CCDC90B: variants seen among roughly 807,000 people sequenced by gnomAD.
CCDC90B encodes the protein coiled-coil domain containing 90B.
Under a neutral mutation model 37.0 loss-of-function variants are expected in CCDC90B, and 24 were observed. The ratio of observed to expected loss-of-function variants is 0.65; its 90% CI spans 0.47 to 0.91. CCDC90B has a LOEUF of 0.91. Among genes scored for constraint, CCDC90B ranks in the 40% least tolerant of loss-of-function variants. The pLI is 0.00. For missense variants in CCDC90B, 319 were observed against 299.0 expected (o/e 1.07, Z -0.49); for synonymous variants, 113 against 101.1 (o/e 1.12, Z -0.71).
intron 3 of CCDC90B, among the ~76,000 whole-genome samples, chr11:83,275,803 T>C (rs924162900): frequency 6.6e-6 from 1 of 152,206 alleles, no homozygotes; most frequent in Non-Finnish European, 1.5e-5. Context: ...CAGCAAGTCA[T>C]TTAACTTCTC....
intron 7 of CCDC90B, among the ~76,000 whole-genome samples, chr11:83,268,160 G>A (rs1055169667): frequency 3.3e-5 from 5 of 152,168 alleles, no homozygotes; most frequent in African/African-American, 4.8e-5. Flanking sequence ...ATGCCAAATT[G>A]TAAAGACCAT....
At position 83,285,502 on chromosome 11, in the gene CCDC90B, A is replaced by G. The variant is rs1591069249; in HGVS notation, c.100+371T>C. On this transcript the variant is annotated intron_variant, in intron 1 of 8. Coordinates refer to ENST00000529689, the MANE Select transcript of CCDC90B (RefSeq NM_021825.5). ...GCCAGCACCTAAAAAAACAAAATCA[A>G]AATTTGATCAGGCCACAAAAGAAAA... The G allele has an allele frequency of 1.1e-5, 12 of 1,126,164 alleles. No individual in the cohort carries two copies. In the East Asian group the frequency reaches 2.2e-4, roughly 20 times the overall value. 69.8% of individuals were successfully genotyped at this position (1,126,164 alleles called of 1,614,324 possible). A position where few individuals can be genotyped will look rare whatever the true frequency, so the allele number is the denominator to read the frequency against.
rs1238226073 is a variant in CCDC90B at position 83,286,082 on chromosome 11, G to A, written c.-110C>T. 2 of 1,538,408 alleles carry A rather than the reference G, an allele frequency of 1.3e-6. No homozygotes were observed. Among genetic ancestry groups the A allele is most frequent in the African/African-American group, 1.4e-5 (1 of 73,160 alleles). ...AGGAATGCTGGGAATTGTAGTTTTC[G>A]CTCTGTCACAAGCTCACCTCCCAGC... On this transcript the variant is annotated 5_prime_UTR_variant, in exon 1 of 9. An upstream open reading frame in the 5' UTR gains an earlier in-frame stop. Coordinates refer to ENST00000529689, the MANE Select transcript of CCDC90B (RefSeq NM_021825.5).
intron 3 of CCDC90B, among the ~76,000 whole-genome samples, chr11:83,275,519 C>CA (rs35773488): frequency 0.02 from 2,667 of 133,452 alleles, 50 homozygotes; most frequent in African/African-American, 0.061. Context: ...GCAAATATTC[C>CA]AAAAAAAAAA....
Position 83,278,737 on chromosome 11 carries a change from G to C in CCDC90B, c.313C>G (p.Gln105Glu). The C allele has an allele frequency of 6.2e-7, 1 of 1,603,970 alleles. No homozygotes were observed. The highest frequency in any genetic ancestry group is 8.5e-7 in the Non-Finnish European group (1 of 1,172,002). The change falls in exon 3 of 9, where the codon CAA (glutamine) becomes GAA (glutamate). Residue 105 changes from glutamine to glutamate, a missense_variant. By Grantham distance (29) the Gln-to-Glu change is conservative. Transcript: ENST00000529689. ...AATCAGTGTATTACCTGTTGAGCTTGAGTGACCATCTCTTTATAGATAGTA... is the reference window on the plus strand; with the variant it reads ...AATCAGTGTATTACCTGTTGAGCTTCAGTGACCATCTCTTTATAGATAGTA... The part of the protein sequence containing the change: ...LDTIYKEMVT[Q>E]AQQEITVQQL...
chr11:83,265,877 G>A lies in CCDC90B; in HGVS notation c.697C>T (p.Arg233Cys), dbSNP rs148744063. The part of the protein sequence containing the change: ...LMESNKLETI[R>C]YLAASVFTCL... The stretch of plus-strand genomic sequence containing the variant: ...CTGACAGTCTTACCTGCAAGATAAC[G>A]AATTGTCTCAAGTTTGTTAGATTCC... Residue 233 changes from arginine (R) to cysteine (C), a missense_variant, in exon 8 of 9, where the codon CGT (arginine) becomes TGT (cysteine). By Grantham distance (180) the Arg-to-Cys change is radical. Coordinates refer to ENST00000529689, the MANE Select transcript of CCDC90B (RefSeq NM_021825.5). 75 of 1,601,114 alleles carry A rather than the reference G, an allele frequency of 4.7e-5. No individual in the cohort carries two copies. The highest frequency in any genetic ancestry group is 6.0e-5 in the Non-Finnish European group (70 of 1,171,114).
At chr11:83,265,837 C>A (rs763500946) in intron 8 of CCDC90B, 28 bp downstream of exon 8, 2 of 1,393,136 alleles carry the variant, frequency 1.4e-6, no homozygotes, top group African/African-American at 2.8e-5. Context: ...AATTAGATGA[C>A]AGCAATTTCT....
intron 8 of CCDC90B, among the ~76,000 whole-genome samples, chr11:83,263,120 A>C (rs184980820): frequency 2.0e-5 from 3 of 152,164 alleles, no homozygotes; most frequent in African/African-American, 4.8e-5. Context: ...CACACACACA[A>C]AATTTGTGAT....
rs771263245 is a variant in CCDC90B at position 83,273,933 on chromosome 11, GA to G, written c.468+17del. The G allele has an allele frequency of 3.2e-6, 5 of 1,579,290 alleles. No individual in the cohort carries two copies. Among genetic ancestry groups the G allele is most frequent in the South Asian group, 1.2e-5 (1 of 85,998 alleles). ...ATATTTGTTCTGAAATTAACAGCTA[GA>G]AAAAAAATTCACTTACCATTAGTTG... On this transcript the variant is annotated intron_variant, in intron 5 of 8. Transcript: ENST00000529689.
chr11:83,283,688 G>C (rs1390571359), intron 1 of CCDC90B, among the ~76,000 whole-genome samples: 1 of 152,234 alleles, frequency 6.6e-6, no homozygotes. Context: ...CAGGCCGGGT[G>C]CAGTGGCTTA....
At chr11:83,275,815 G>C (rs995216085) in intron 3 of CCDC90B, among the ~76,000 whole-genome samples, 4 of 152,048 alleles carry the variant, frequency 2.6e-5, no homozygotes, top group African/African-American at 4.8e-5. Context: ...TAACTTCTCT[G>C]GTCTCCTCAT....
chr11:83,276,073 A>C (rs1290676264), intron 3 of CCDC90B, among the ~76,000 whole-genome samples: 1 of 152,174 alleles, frequency 6.6e-6, no homozygotes, highest in African/African-American at 2.4e-5. Flanking sequence ...TGTGTACAAC[A>C]GACATTGCTG....
intron 8 of CCDC90B, among the ~76,000 whole-genome samples, chr11:83,263,794 C>T (rs1008627012): frequency 5.3e-5 from 8 of 152,100 alleles, no homozygotes; most frequent in Non-Finnish European, 1.0e-4. Context: ...GAAATTGAGG[C>T]ACACAGTCAC....
chr11:83,285,196 T>G, intron 1 of CCDC90B: 1 of 1,285,870 alleles, frequency 7.8e-7, no homozygotes, highest in Non-Finnish European at 1.0e-6. Context: ...TGGACAACCT[T>G]AAAACGGTTT....
intron 1 of CCDC90B, chr11:83,285,322 C>T (rs2135681434): frequency 1.7e-6 from 2 of 1,203,948 alleles, no homozygotes; most frequent in Non-Finnish European, 1.0e-6. Context: ...ACCCTGTTAA[C>T]AGGGGTGCCA....
Position 83,260,047 on chromosome 11 carries a change from C to T in CCDC90B, c.*1864G>A, listed in dbSNP as rs1332674897. On this transcript the variant is annotated 3_prime_UTR_variant, in exon 9 of 9. Transcript: ENST00000529689. ...GAAGTGGGCTAATTGCACCTTGTTTCTCCTTCCAGATTTACAATTGGGCAA... is the reference window on the plus strand; with the variant it reads ...GAAGTGGGCTAATTGCACCTTGTTTTTCCTTCCAGATTTACAATTGGGCAA... 2.0e-5 allele frequency: 3 copies of T among 152,276 alleles called. No individual in the cohort carries two copies. The highest frequency in any genetic ancestry group is 2.0e-4 in the Admixed American group (3 of 15,270). 9.4% of individuals were successfully genotyped at this position (152,276 alleles called of 1,614,324 possible). A position where few individuals can be genotyped will look rare whatever the true frequency, so the allele number is the denominator to read the frequency against.
intron 8 of CCDC90B, among the ~76,000 whole-genome samples, chr11:83,265,141 G>C (rs1467432089): frequency 6.6e-6 from 1 of 151,966 alleles, no homozygotes; most frequent in Non-Finnish European, 1.5e-5. Context: ...TTTATAAAAG[G>C]AAAGAAAAAA....
intron 1 of CCDC90B, among the ~76,000 whole-genome samples, chr11:83,284,901 T>C (rs1565222522): frequency 6.6e-6 from 1 of 150,792 alleles, no homozygotes; most frequent in Non-Finnish European, 1.5e-5. Context: ...AAATCCATCA[T>C]AATGTGTATG....
chr11:83,263,124 T>A (rs189408346), intron 8 of CCDC90B, among the ~76,000 whole-genome samples: 5 of 152,268 alleles, frequency 3.3e-5, no homozygotes, highest in African/African-American at 1.2e-4. Flanking sequence ...CACACAAAAT[T>A]TGTGATCCTT....
Sources: allele counts gnomAD v4.1 joint callset (sites outside exome capture counted in the v4.1 genomes callset), GRCh38; gene constraint gnomAD v4.1.1; transcripts MANE v1.5; gene names NCBI Gene and HGNC (gene_info 2026-07-23, HGNC 2026-07-21).